COPG2: variants seen among roughly 807,000 people sequenced by gnomAD.
COPG2 encodes the protein coat protein complex I subunit gamma 2.
A neutral mutation model predicts 46.3 loss-of-function variants in COPG2; 37 were observed. That is an observed-to-expected ratio of 0.80 (90% CI 0.61 to 1.05). The LOEUF is 1.05. Ranked by LOEUF, COPG2 falls within the 50% of genes least tolerant of loss-of-function variation. COPG2 has a pLI of 0.00. For missense variants in COPG2, 427 were observed against 387.8 expected (o/e 1.10, Z -0.85); for synonymous variants, 159 against 129.7 (o/e 1.23, Z -1.53).
chr7:130,567,268 G>A (rs2116410301), intron 9 of COPG2, among the ~76,000 whole-genome samples: 1 of 152,218 alleles, frequency 6.6e-6, no homozygotes, highest in South Asian at 2.1e-4. Context: ...AGAGGATGAG[G>A]ATAAAAAAAC....
In COPG2 at chr7:130,510,980, T is replaced by C. The variant is rs372044675; in HGVS notation, c.2150-2321A>G. On this transcript the variant is annotated intron_variant, in intron 20 of 23. Coordinates refer to ENST00000425248, the MANE Select transcript of COPG2 (RefSeq NM_012133.6). ...GCCCTGAAGATCTGCATTAAAACTGTTCTCTGAAATTAAGCTTGTCTTGTG... is the reference window on the plus strand; with the variant it reads ...GCCCTGAAGATCTGCATTAAAACTGCTCTCTGAAATTAAGCTTGTCTTGTG... 7.1e-5 allele frequency: 37 copies of C among 519,920 alleles called. 2 individuals carry two copies. The highest frequency in any genetic ancestry group is 6.5e-4 in the African/African-American group (34 of 52,060). The allele number at this position is 519,920 out of a possible 1,614,324, so 32.2% of individuals were successfully genotyped here. A position where few individuals can be genotyped will look rare whatever the true frequency, so the allele number is the denominator to read the frequency against.
At chr7:130,654,332 A>G (rs1255357232) in intron 4 of COPG2, among the ~76,000 whole-genome samples, 6 of 152,240 alleles carry the variant, frequency 3.9e-5, no homozygotes, top group Non-Finnish European at 7.3e-5. Flanking sequence ...TCACAGCCAC[A>G]GAAGGATCTT....
At chr7:130,652,771 A>G in intron 5 of COPG2, 98 bp downstream of exon 5, 1 of 771,806 alleles carries the variant, frequency 1.3e-6, no homozygotes. Flanking sequence ...TATTCTTTTA[A>G]ATTCCTATTG....
chr7:130,591,732 G>A (rs1417422830), intron 9 of COPG2, among the ~76,000 whole-genome samples: 2 of 142,298 alleles, frequency 1.4e-5, no homozygotes, highest in Non-Finnish European at 3.0e-5. Flanking sequence ...GGAGGTGGGG[G>A]GGTCAGCCCC....
chr7:130,619,007 T>C (rs1343679891), intron 5 of COPG2, among the ~76,000 whole-genome samples: 2 of 152,236 alleles, frequency 1.3e-5, no homozygotes, highest in South Asian at 2.1e-4. Context: ...ATGTAGCATA[T>C]AGTTAGCTGT....
chr7:130,597,147 G>GACTCCT (rs1366050028), intron 9 of COPG2, among the ~76,000 whole-genome samples: 1 of 152,180 alleles, frequency 6.6e-6, no homozygotes, highest in Non-Finnish European at 1.5e-5. Flanking sequence ...TGTACCCCCA[G>GACTCCT]ACTCCTGCTA....
rs1318695171 is a variant in COPG2, at chr7:130,527,496, T to C, written c.2150-18837A>G. Among the ~76,000 whole-genome samples, 12 of 150,822 alleles carry C rather than the reference T, an allele frequency of 8.0e-5. No homozygotes were observed. In the East Asian group the frequency reaches 1.2e-3, roughly 15 times the overall value. On this transcript the variant is annotated intron_variant, in intron 20 of 23. Transcript: ENST00000425248. The stretch of plus-strand genomic sequence containing the variant: ...TTCACCCGAGGGAGGGCTGGGGGCA[T>C]GGACCCCCAGGCAGGCCTATCCAAT...
intron 20 of COPG2, among the ~76,000 whole-genome samples, chr7:130,532,843 G>A (rs1323032618): frequency 1.3e-5 from 2 of 152,182 alleles, no homozygotes; most frequent in African/African-American, 4.8e-5. Flanking sequence ...TGGTGGAGCA[G>A]TGGGTGCGGG....
At chr7:130,633,649 T>A (rs1173048496) in intron 5 of COPG2, among the ~76,000 whole-genome samples, 1 of 152,178 alleles carries the variant, frequency 6.6e-6, no homozygotes, top group African/African-American at 2.4e-5. Context: ...ACTGCAAAAA[T>A]TTTCTCCCAT....
At chr7:130,641,972 C>T (rs919594707) in intron 5 of COPG2, among the ~76,000 whole-genome samples, 43 of 152,176 alleles carry the variant, frequency 2.8e-4, no homozygotes, top group African/African-American at 1.0e-3. Context: ...GAAACCGGGA[C>T]GTAACTTCTC....
intron 20 of COPG2, among the ~76,000 whole-genome samples, chr7:130,528,850 C>G (rs1024657942): frequency 6.6e-6 from 1 of 151,806 alleles, no homozygotes; most frequent in South Asian, 2.1e-4. Flanking sequence ...AGGGAGGGAG[C>G]GGATGCAGAG....
At chr7:130,589,576 C>T (rs1794356719) in intron 9 of COPG2, among the ~76,000 whole-genome samples, 1 of 152,150 alleles carries the variant, frequency 6.6e-6, no homozygotes, top group Non-Finnish European at 1.5e-5. Flanking sequence ...TGTGCCACCG[C>T]ACCTGGCCAT....
chr7:130,509,354 C>T (rs1554440706), intron 20 of COPG2: 1 of 481,312 alleles, frequency 2.1e-6, no homozygotes, highest in African/African-American at 2.0e-5. Flanking sequence ...AAAGTAAAGA[C>T]AGTATTTTCT....
At position 130,552,769 on chromosome 7, in the gene COPG2, A is replaced by G. The variant is rs1251103697; in HGVS notation, c.1469-339T>C. 1.2e-4 allele frequency among the ~76,000 whole-genome samples: 18 copies of G among 152,352 alleles called. 1 individual carries two copies. The South Asian group carries it at 3.5e-3, about 30-fold the overall frequency. On this transcript the variant is annotated intron_variant, in intron 14 of 23. Transcript: ENST00000425248. Reference sequence around the variant, plus strand: ...CAAACAACCAGCCCCAAGCATAAAAAGAAATTCTATTATTAAAATTCCTCT... The same window carrying G: ...CAAACAACCAGCCCCAAGCATAAAAGGAAATTCTATTATTAAAATTCCTCT...
intron 20 of COPG2, among the ~76,000 whole-genome samples, chr7:130,533,138 G>A (rs1442316976): frequency 6.6e-6 from 1 of 152,088 alleles, no homozygotes; most frequent in Non-Finnish European, 1.5e-5. Flanking sequence ...TTAGAGAGGT[G>A]AGCTTGTTGA....
intron 6 of COPG2, among the ~76,000 whole-genome samples, chr7:130,614,906 C>T (rs552598052): frequency 1.7e-4 from 26 of 152,286 alleles, no homozygotes; most frequent in African/African-American, 6.3e-4. Context: ...TTACCATACC[C>T]TAGGAAAATC....
At chr7:130,609,388 G>A (rs566216550) in intron 9 of COPG2, among the ~76,000 whole-genome samples, 45 of 152,156 alleles carry the variant, frequency 3.0e-4, no homozygotes, top group Admixed American at 1.2e-3. Context: ...CTGCACAAGC[G>A]CTCTCTCTCT....
At chr7:130,510,005 T>C (rs781787821) in intron 20 of COPG2, 28 of 490,648 alleles carry the variant, frequency 5.7e-5, no homozygotes, top group Non-Finnish European at 3.7e-5. Context: ...AGAGGCATGC[T>C]AATGCCTAGG....
In COPG2 at chr7:130,557,817, C is replaced by CA. The variant is rs1382087826; in HGVS notation, c.1129-2686dup. Reference sequence around the variant, plus strand: ...GGGCAGCAAGAATGAAACTCCATCTCAAAAAAAAAAAAAAAAAAAAATCAT... The same window carrying CA: ...GGGCAGCAAGAATGAAACTCCATCTCAAAAAAAAAAAAAAAAAAAAAATCAT... On this transcript the variant is annotated intron_variant, in intron 12 of 23. Coordinates refer to ENST00000425248, the MANE Select transcript of COPG2 (RefSeq NM_012133.6). 1.1e-3 allele frequency among the ~76,000 whole-genome samples: 13 copies of CA among 12,238 alleles called. 2 individuals are homozygous for CA. In the East Asian group the frequency reaches 0.039, roughly 37 times the overall value. 8.0% of individuals were successfully genotyped at this position (12,238 alleles called of 152,430 possible). A position where few individuals can be genotyped will look rare whatever the true frequency, so the allele number is the denominator to read the frequency against.
Sources: gnomAD v4.1 joint callset for allele counts (sites outside exome capture counted in the v4.1 genomes callset) on GRCh38, gnomAD v4.1.1 for gene constraint, MANE v1.5 for transcripts, NCBI Gene and HGNC (gene_info 2026-07-23, HGNC 2026-07-21) for gene names.